PTPN1: variants seen among roughly 807,000 people sequenced by gnomAD.
PTPN1 encodes the protein tyrosine-protein phosphatase non-receptor type 1.
A neutral mutation model predicts 59.9 loss-of-function variants in PTPN1; 12 were observed. The observed-to-expected ratio is 0.20, with a 90% CI of 0.13 to 0.32. PTPN1 has a LOEUF of 0.32. Among genes scored for constraint, PTPN1 ranks in the 10% least tolerant of loss-of-function variants. The pLI, the probability that PTPN1 is intolerant of heterozygous loss-of-function variation, is 1.00. For synonymous variants in PTPN1, 178 were observed against 203.6 expected (o/e 0.87, Z 1.07); for missense variants, 356 against 549.2 (o/e 0.65, Z 3.52).
At chr20:50,574,742 A>C in intron 5 of PTPN1, 88 bp downstream of exon 5, 1 of 1,475,592 alleles carries the variant, frequency 6.8e-7, no homozygotes, top group African/African-American at 1.4e-5. Flanking sequence ...ACCTAATGTC[A>C]GTGTTCCTGG....
intron 5 of PTPN1, chr20:50,575,010 G>A (rs1470613889): frequency 9.1e-6 from 2 of 219,850 alleles, no homozygotes; most frequent in African/African-American, 2.3e-5. Context: ...CTCAGTCTTC[G>A]AGTCTGAAGA....
intron 1 of PTPN1, among the ~76,000 whole-genome samples, chr20:50,538,760 TTG>T (rs1428775480): frequency 1.3e-5 from 2 of 152,232 alleles, no homozygotes; most frequent in African/African-American, 4.8e-5. Flanking sequence ...TTGGCTGTTG[TTG>T]TGATTCCCTT....
At chr20:50,564,388 G>A (rs968474543) in intron 2 of PTPN1, among the ~76,000 whole-genome samples, 3 of 152,192 alleles carry the variant, frequency 2.0e-5, no homozygotes, top group Non-Finnish European at 4.4e-5. Context: ...GAGGCCAGGA[G>A]TTCGAGACCA....
At chr20:50,542,229 A>G (rs1271413837) in intron 1 of PTPN1, among the ~76,000 whole-genome samples, 2 of 152,234 alleles carry the variant, frequency 1.3e-5, no homozygotes, top group Non-Finnish European at 2.9e-5. Context: ...ACTTTAAAAG[A>G]GTTTTACAAT....
At chr20:50,581,538 C>T in intron 9 of PTPN1, 78 bp downstream of exon 9, 1 of 1,467,872 alleles carries the variant, frequency 6.8e-7, no homozygotes, top group East Asian at 2.4e-5. Flanking sequence ...TGGTAGGATT[C>T]AGTTCTGTGG....
In PTPN1 at chr20:50,579,740, C is replaced by G; in HGVS notation, c.902C>G (p.Pro301Arg). 2 of 1,612,860 alleles carry G rather than the reference C, an allele frequency of 1.2e-6. No homozygotes were observed. Among genetic ancestry groups the G allele is most frequent in the Non-Finnish European group, 1.7e-6 (2 of 1,179,880 alleles). ...WKELSHEDLE[P>R]PPEHIPPPPR... ...GAGCTTTCCCACGAGGACCTGGAGC[C>G]CCCACCCGAGCATATCCCCCCACCT... Residue 301 changes from proline to arginine, a missense_variant, in exon 8 of 10, where the codon CCC becomes CGC. This residue lies in a region of PTPN1 where 100 missense variants were observed against 107.7 expected (regional missense o/e 0.93). Transcript: ENST00000371621.
chr20:50,510,927 G>A (rs918292206), intron 1 of PTPN1, among the ~76,000 whole-genome samples: 5 of 151,926 alleles, frequency 3.3e-5, no homozygotes, highest in Admixed American at 1.3e-4. Context: ...TTTGTCCCCT[G>A]GGGTGATTTA....
chr20:50,530,130 T>C (rs2082594260), intron 1 of PTPN1, among the ~76,000 whole-genome samples: 1 of 151,352 alleles, frequency 6.6e-6, no homozygotes, highest in African/African-American at 2.4e-5. Flanking sequence ...TGCCTTGGCC[T>C]CCCAAAGTGC....
rs984695310 is a variant in PTPN1, at chr20:50,581,165, C to A, written c.1089-100C>A. The A allele has an allele frequency of 9.9e-5, 147 of 1,482,712 alleles. No homozygotes were observed. The Middle Eastern group carries it at 1.3e-3, about 13-fold the overall frequency. The allele number at this position is 1,482,712 out of a possible 1,614,324, so 91.8% of individuals were successfully genotyped here. On this transcript the variant is annotated intron_variant, in intron 8 of 9. Transcript: ENST00000371621. ...TTAACATCATCCAACTCTGTCTACA[C>A]GTGGCTTGTTTTTTCCTAGAATTCC...
At chr20:50,546,174 TC>T (rs1289331919) in intron 1 of PTPN1, among the ~76,000 whole-genome samples, 4 of 152,198 alleles carry the variant, frequency 2.6e-5, no homozygotes, top group Admixed American at 6.5e-5. Context: ...TTGACTGTCT[TC>T]CCCCCTGAAG....
intron 1 of PTPN1, among the ~76,000 whole-genome samples, chr20:50,518,422 T>C (rs1479104340): frequency 2.0e-5 from 3 of 152,248 alleles, no homozygotes; most frequent in Non-Finnish European, 2.9e-5. Flanking sequence ...CCTTGATGTT[T>C]GAACATTTGT....
intron 1 of PTPN1, among the ~76,000 whole-genome samples, chr20:50,515,240 C>T (rs1177494945): frequency 6.6e-6 from 1 of 152,190 alleles, no homozygotes; most frequent in Admixed American, 6.5e-5. Flanking sequence ...GAAAGGGCAG[C>T]GTTCTCCAAA....
At chr20:50,549,496 C>CACT (rs2082692393) in intron 1 of PTPN1, among the ~76,000 whole-genome samples, 1 of 152,124 alleles carries the variant, frequency 6.6e-6, no homozygotes, top group African/African-American at 2.4e-5. Flanking sequence ...TGCCCCAGAC[C>CACT]ACTGTACAAG....
chr20:50,582,603 T>G lies in PTPN1; in HGVS notation c.1285-89T>G, dbSNP rs950700636. On this transcript the variant is annotated intron_variant, in intron 9 of 9. Transcript: ENST00000371621. The surrounding 1 kb of genome is among the most constrained non-coding windows in gnomAD (Gnocchi z 4.2). ...CCTTTGCTCCCTCGGAGGTTGAAGTTGCCGGGGGGTGTGGCCGGGGTCATG... is the reference window on the plus strand; with the variant it reads ...CCTTTGCTCCCTCGGAGGTTGAAGTGGCCGGGGGGTGTGGCCGGGGTCATG... The G allele has an allele frequency of 7.1e-7, 1 of 1,413,438 alleles. No individual in the cohort carries two copies. The highest frequency in any genetic ancestry group is 9.8e-7 in the Non-Finnish European group (1 of 1,015,664). 87.6% of individuals were successfully genotyped at this position (1,413,438 alleles called of 1,614,324 possible).
chr20:50,573,261 C>G (rs920307189), intron 4 of PTPN1: 5 of 152,306 alleles, frequency 3.3e-5, no homozygotes, highest in Non-Finnish European at 7.3e-5. Flanking sequence ...CTCTGCTGGC[C>G]CCTTCTCCAG....
chr20:50,574,722 G>A (rs2082827638), intron 5 of PTPN1, 68 bp downstream of exon 5: 8 of 1,514,418 alleles, frequency 5.3e-6, no homozygotes, highest in Non-Finnish European at 7.1e-6. Flanking sequence ...TTTATCCCTT[G>A]GGTGATATTA....
intron 5 of PTPN1, among the ~76,000 whole-genome samples, chr20:50,576,486 A>AG (rs1335747611): frequency 6.6e-6 from 1 of 152,196 alleles, no homozygotes; most frequent in East Asian, 1.9e-4. Context: ...AGCAGGTGTG[A>AG]GGGAGGGTGT....
Position 50,510,409 on chromosome 20 carries a change from G to C in PTPN1, c.-119G>C. 9.2e-7 allele frequency: 1 copy of C among 1,090,764 alleles called. No individual in the cohort carries two copies. Among genetic ancestry groups the C allele is most frequent in the Non-Finnish European group, 1.3e-6 (1 of 766,676 alleles). The allele number at this position is 1,090,764 out of a possible 1,614,324, so 67.6% of individuals were successfully genotyped here. A position where few individuals can be genotyped will look rare whatever the true frequency, so the allele number is the denominator to read the frequency against. Reference sequence around the variant, plus strand: ...TGAAGAAGCAGCAGCGGCTAGGGCGGCGGTAGCTGCAGGGGTCGGGGATTG... The same window carrying C: ...TGAAGAAGCAGCAGCGGCTAGGGCGCCGGTAGCTGCAGGGGTCGGGGATTG... On this transcript the variant is annotated 5_prime_UTR_variant, in exon 1 of 10. Transcript: ENST00000371621.
chr20:50,565,681 A>C (rs538775105), intron 3 of PTPN1, among the ~76,000 whole-genome samples: 1 of 152,294 alleles, frequency 6.6e-6, no homozygotes, highest in East Asian at 1.9e-4. Context: ...AAGAGGATAA[A>C]AAGAGTTTCT....
Sources: allele counts gnomAD v4.1 joint callset (sites outside exome capture counted in the v4.1 genomes callset), GRCh38; gene constraint gnomAD v4.1.1; regional missense constraint gnomAD v4.1.1; non-coding constraint Gnocchi (gnomAD v3.1); transcripts MANE v1.5; gene names NCBI Gene and HGNC (gene_info 2026-07-23, HGNC 2026-07-21).